Variants in CDH13 observed in about 807,000 individuals in gnomAD.
The protein encoded by CDH13 is cadherin 13, also known as cadherin-13.
In CDH13, 24 loss-of-function variants were observed where a neutral mutation model predicts 63.8. The observed-to-expected ratio is 0.38, with a 90% CI of 0.27 to 0.53. The LOEUF is 0.53. CDH13 is among the 20% of genes least tolerant of loss of function. The pLI, the probability that CDH13 is intolerant of heterozygous loss-of-function variation, is 0.85. For synonymous variants in CDH13, 503 were observed against 355.3 expected, an observed-to-expected ratio of 1.42 and a Z score of -4.67; for missense variants, 1,049 against 903.1, an observed-to-expected ratio of 1.16 and a Z score of -2.07.
chr16:83,570,835 T>C (rs1598306988), intron 7 of CDH13, among the ~76,000 whole-genome samples: 2 of 80,710 alleles, frequency 2.5e-5, no homozygotes, highest in African/African-American at 6.2e-5. Flanking sequence ...AATAAAAATT[T>C]ATATTTTTAT....
intron 2 of CDH13, among the ~76,000 whole-genome samples, chr16:82,962,694 G>A (rs1357419537): frequency 6.6e-6 from 1 of 152,178 alleles, no homozygotes; most frequent in Non-Finnish European, 1.5e-5. Context: ...ATCCAGTGAT[G>A]ATTCTTCTGT....
intron 1 of CDH13, among the ~76,000 whole-genome samples, chr16:82,752,069 A>C (rs1452137453): frequency 6.6e-6 from 1 of 152,256 alleles, no homozygotes; most frequent in Non-Finnish European, 1.5e-5. Flanking sequence ...GATAGCTGAA[A>C]TTAACAGAAT....
chr16:83,320,613 C>G lies in CDH13; in HGVS notation c.637-24249C>G, dbSNP rs868175393. 2.0e-4 allele frequency among the ~76,000 whole-genome samples: 31 copies of G among 152,298 alleles called. No homozygotes were observed. In the South Asian group the frequency reaches 5.0e-3, roughly 24 times the overall value. ...CAAACAACCACTATTTCTACAAGAA[C>G]AGATTTTTCCCCCATTAAAATATTC... On this transcript the variant is annotated intron_variant, in intron 5 of 13. Coordinates refer to ENST00000567109, the MANE Select transcript of CDH13 (RefSeq NM_001257.5).
chr16:83,614,190 C>T (rs1031206155), intron 8 of CDH13, among the ~76,000 whole-genome samples: 3 of 152,190 alleles, frequency 2.0e-5, no homozygotes, highest in African/African-American at 7.2e-5. Flanking sequence ...CTTTTGCTTT[C>T]TGTAAACAGA....
At chr16:82,844,691 G>T (rs1174802199) in intron 1 of CDH13, 1 of 142,224 alleles carries the variant, frequency 7.0e-6, no homozygotes, top group Non-Finnish European at 1.5e-5. Context: ...CCAGGCTGGA[G>T]TGCGGTGATG....
intron 2 of CDH13, among the ~76,000 whole-genome samples, chr16:82,874,651 G>T (rs2040447419): frequency 6.6e-6 from 1 of 152,176 alleles, no homozygotes; most frequent in Non-Finnish European, 1.5e-5. Flanking sequence ...GATTCCAAAT[G>T]AGGAAACATT....
intron 2 of CDH13, among the ~76,000 whole-genome samples, chr16:82,885,456 C>A: frequency 2.0e-5 from 1 of 49,768 alleles, no homozygotes; most frequent in Non-Finnish European, 3.3e-5. Context: ...CTCATTCATT[C>A]ATCCACCTAC....
At chr16:82,864,713 A>G (rs2040062226) in intron 2 of CDH13, among the ~76,000 whole-genome samples, 1 of 152,172 alleles carries the variant, frequency 6.6e-6, no homozygotes, top group African/African-American at 2.4e-5. Context: ...AGACCATGTT[A>G]TTCCGCCCCT....
intron 5 of CDH13, among the ~76,000 whole-genome samples, chr16:83,261,150 T>TA (rs1906940752): frequency 6.6e-6 from 1 of 151,924 alleles, no homozygotes; most frequent in African/African-American, 2.4e-5. Context: ...TGTTATGACA[T>TA]AGTGACCACG....
At chr16:82,721,256 C>T (rs189530925) in intron 1 of CDH13, among the ~76,000 whole-genome samples, 1 of 152,086 alleles carries the variant, frequency 6.6e-6, no homozygotes, top group Admixed American at 6.6e-5. Context: ...GGTTCACATA[C>T]ATAAACAAAG....
At chr16:82,858,340 T>C (rs2039787684) in intron 1 of CDH13, 22 bp from the exon 2 acceptor site, 4 of 1,534,966 alleles carry the variant, frequency 2.6e-6, no homozygotes, top group Non-Finnish European at 3.6e-6. Flanking sequence ...TATTAAAATA[T>C]TGATGGCTTT....
intron 6 of CDH13, among the ~76,000 whole-genome samples, chr16:83,405,332 C>G (rs972336902): frequency 6.6e-6 from 1 of 152,080 alleles, no homozygotes; most frequent in Non-Finnish European, 1.5e-5. Flanking sequence ...GCAAAAGGGA[C>G]TGTGAAGGTG....
At chr16:82,795,075 A>G (rs1597609265) in intron 1 of CDH13, among the ~76,000 whole-genome samples, 1 of 152,176 alleles carries the variant, frequency 6.6e-6, no homozygotes, top group Non-Finnish European at 1.5e-5. Context: ...TTTGCTTCCC[A>G]TACTCATCTC....
intron 1 of CDH13, among the ~76,000 whole-genome samples, chr16:82,748,393 C>G (rs1262782337): frequency 1.3e-5 from 2 of 152,150 alleles, no homozygotes; most frequent in African/African-American, 4.8e-5. Context: ...TGCCTGAGTT[C>G]TTAATCGTGT....
intron 1 of CDH13, among the ~76,000 whole-genome samples, chr16:82,832,060 C>G (rs1011485041): frequency 6.6e-6 from 1 of 152,144 alleles, no homozygotes; most frequent in Non-Finnish European, 1.5e-5. Context: ...AAAACCTCGA[C>G]CTTCTGTGTG....
intron 1 of CDH13, among the ~76,000 whole-genome samples, chr16:82,781,253 C>A (rs2035740258): frequency 6.6e-6 from 1 of 152,170 alleles, no homozygotes; most frequent in South Asian, 2.1e-4. Context: ...TACCAATTGG[C>A]CTATAGCTTG....
chr16:82,775,822 T>A (rs749970), intron 1 of CDH13, among the ~76,000 whole-genome samples: 103,142 of 151,958 alleles, frequency 0.68, 36,603 homozygotes, highest in East Asian at 0.98. Context: ...GAGGGACATA[T>A]CCTTTTCCTA....
At chr16:83,747,630 T>TG (rs1437713163) in intron 10 of CDH13, among the ~76,000 whole-genome samples, 3 of 151,456 alleles carry the variant, frequency 2.0e-5, no homozygotes, top group African/African-American at 7.3e-5. Flanking sequence ...CCTCCTGTCT[T>TG]GGTTTGGATG....
rs532552281 is a variant in CDH13, at chr16:83,215,244, A to G, written c.484-2101A>G. ...GGTGTGCGCCATCACGCCCAGCTAA[A>G]TTTTCTGTAGTTTTTGTAGAGACGG... On this transcript the variant is annotated intron_variant, in intron 4 of 13. Coordinates refer to ENST00000567109, the MANE Select transcript of CDH13 (RefSeq NM_001257.5). Among the ~76,000 whole-genome samples, 17 of 150,782 alleles carry G rather than the reference A, an allele frequency of 1.1e-4. No individual in the cohort carries two copies. In the East Asian group the frequency reaches 2.2e-3, roughly 19 times the overall value.
Sources: allele counts gnomAD v4.1 joint callset (sites outside exome capture counted in the v4.1 genomes callset), GRCh38; gene constraint gnomAD v4.1.1; transcripts MANE v1.5; gene names NCBI Gene and HGNC (gene_info 2026-07-23, HGNC 2026-07-21).